GALNT14: variants seen among roughly 807,000 people sequenced by gnomAD.
GALNT14 encodes polypeptide N-acetylgalactosaminyltransferase 14.
A neutral mutation model predicts 77.5 loss-of-function variants in GALNT14; 60 were observed. The observed-to-expected ratio is 0.77, with a 90% confidence interval of 0.63 to 0.96. The LOEUF (loss-of-function observed/expected upper bound fraction) is 0.96, where lower values mean the gene tolerates loss of function less well. Among genes scored for constraint, GALNT14 ranks in the 40% least tolerant of loss-of-function variants. GALNT14 has a pLI of 0.00. For missense variants in GALNT14, 710 were observed against 731.0 expected (o/e 0.97, Z 0.33); for synonymous variants, 280 against 281.7 (o/e 0.99, Z 0.06).
At chr2:30,900,456 G>C in the GALNT14 span, among the ~76,000 whole-genome samples, 1 of 152,008 alleles carries the variant, frequency 6.6e-6, no homozygotes, top group African/African-American at 2.4e-5. Context: ...AAACTTTAAC[G>C]TTTGATAACT....
intron 1 of GALNT14, among the ~76,000 whole-genome samples, chr2:31,063,274 A>T (rs1429053514): frequency 6.6e-6 from 1 of 152,224 alleles, no homozygotes; most frequent in Non-Finnish European, 1.5e-5. Flanking sequence ...TGTTTTCTGC[A>T]TATGGCTAAC....
chr2:31,129,697 T>A lies in GALNT14; in HGVS notation c.129+8261A>T, dbSNP rs1450261793. On this transcript the variant is annotated intron_variant, in intron 1 of 14. Coordinates refer to ENST00000349752, the MANE Select transcript of GALNT14 (RefSeq NM_024572.4). ...GAGAGATGGGCACATAAATATTGAT[T>A]GGACCAGTCTCTATGGCTGGGAGGT... The A allele has an allele frequency of 3.1e-6, 3 of 976,896 alleles. No homozygotes were observed. The East Asian group carries it at 3.4e-4, about 111-fold the overall frequency. 60.5% of individuals were successfully genotyped at this position (976,896 alleles called of 1,614,324 possible). A position where few individuals can be genotyped will look rare whatever the true frequency, so the allele number is the denominator to read the frequency against.
intron 9 of GALNT14, among the ~76,000 whole-genome samples, chr2:30,934,239 T>C (rs1461328683): frequency 5.9e-5 from 9 of 152,156 alleles, no homozygotes; most frequent in African/African-American, 1.7e-4. Context: ...CAGTAGCACA[T>C]AGAGGAACCT....
intron 3 of GALNT14, among the ~76,000 whole-genome samples, chr2:30,959,219 C>G (rs1052966842): frequency 6.6e-6 from 1 of 152,178 alleles, no homozygotes; most frequent in Non-Finnish European, 1.5e-5. Context: ...GCTTCCTCCT[C>G]TGGGATCTCC....
At chr2:31,057,611 T>C (rs1674316693) in intron 1 of GALNT14, among the ~76,000 whole-genome samples, 1 of 151,972 alleles carries the variant, frequency 6.6e-6, no homozygotes, top group South Asian at 2.1e-4. Flanking sequence ...TTACTGTTTT[T>C]ATTCATCCAG....
chr2:31,126,925 G>A (rs972257368), intron 1 of GALNT14: 41 of 152,194 alleles, frequency 2.7e-4, no homozygotes, highest in African/African-American at 9.7e-4. Context: ...CTTTTCCAAA[G>A]ACTTATTTGG....
intron 1 of GALNT14, among the ~76,000 whole-genome samples, chr2:31,103,518 C>T (rs568341221): frequency 2.7e-5 from 4 of 150,714 alleles, no homozygotes; most frequent in Admixed American, 1.3e-4. Flanking sequence ...CATTACATAG[C>T]CCCTAGGCAC....
chr2:30,947,970 C>T (rs1417750506), intron 6 of GALNT14, among the ~76,000 whole-genome samples: 1 of 152,210 alleles, frequency 6.6e-6, no homozygotes, highest in Non-Finnish European at 1.5e-5. Flanking sequence ...CAGCACTGCA[C>T]CTGCCCAGCT....
At chr2:31,035,043 T>C (rs1573209156) in intron 1 of GALNT14, among the ~76,000 whole-genome samples, 1 of 152,358 alleles carries the variant, frequency 6.6e-6, no homozygotes, top group East Asian at 1.9e-4. Context: ...ATGTTCCACG[T>C]ACACTTTAGA....
chr2:30,904,260 C>T, the GALNT14 span, among the ~76,000 whole-genome samples: 499 of 152,322 alleles, frequency 3.3e-3, 2 homozygotes, highest in African/African-American at 0.011. Context: ...GCGTGAGCGA[C>T]GCAGAAGACG....
Position 31,128,358 on chromosome 2 carries a change from A to AC in GALNT14, c.129+9599dup, listed in dbSNP as rs563955925. 3.8e-4 allele frequency among the ~76,000 whole-genome samples: 58 copies of AC among 152,254 alleles called. 1 individual carries two copies. The highest frequency in any genetic ancestry group is 1.4e-3 in the African/African-American group (58 of 41,548). ...CCGGCATTAGAGATGCAGGCAGGGC[A>AC]CCCTCTACATTAAGGTGACGTTGGA... On this transcript the variant is annotated intron_variant, in intron 1 of 14. Coordinates refer to ENST00000349752, the MANE Select transcript of GALNT14 (RefSeq NM_024572.4).
chr2:30,983,300 C>T (rs900247737), intron 2 of GALNT14, among the ~76,000 whole-genome samples: 2 of 151,226 alleles, frequency 1.3e-5, no homozygotes, highest in Admixed American at 1.3e-4. Context: ...TGAGGGCACA[C>T]TTTCAGTCTG....
intron 1 of GALNT14, among the ~76,000 whole-genome samples, chr2:31,029,013 T>G (rs1297513602): frequency 6.6e-6 from 1 of 152,150 alleles, no homozygotes; most frequent in Non-Finnish European, 1.5e-5. Flanking sequence ...TGCTCTTCCC[T>G]ATGCTCAATT....
intron 1 of GALNT14, among the ~76,000 whole-genome samples, chr2:31,059,957 C>T (rs1222979473): frequency 6.6e-6 from 1 of 152,188 alleles, no homozygotes; most frequent in Non-Finnish European, 1.5e-5. Flanking sequence ...TTATATTTCC[C>T]CTACTCTTTC....
At chr2:31,133,317 C>A (rs1177169032) in intron 1 of GALNT14, among the ~76,000 whole-genome samples, 1 of 152,090 alleles carries the variant, frequency 6.6e-6, no homozygotes, top group Non-Finnish European at 1.5e-5. Context: ...TATGCACATA[C>A]CAAGTATGAG....
chr2:31,000,088 T>C (rs73923347), intron 1 of GALNT14, among the ~76,000 whole-genome samples: 31 of 152,294 alleles, frequency 2.0e-4, no homozygotes, highest in African/African-American at 6.7e-4. Context: ...TATTTGTCCC[T>C]AGGTAGTAAG....
chr2:30,910,976 C>T lies in GALNT14; in HGVS notation c.1584G>A (p.Glu528=). 1 of 1,614,084 alleles carries T rather than the reference C, an allele frequency of 6.2e-7. No homozygotes were observed. Among genetic ancestry groups the T allele is most frequent in the Non-Finnish European group, 8.5e-7 (1 of 1,180,018 alleles). ...GGTTGACGACGATTTCCTTGCCGTT[C>T]TCGGTGCCATCACCGAACATATCTG... is the stretch of plus-strand genomic sequence containing the variant. The part of the protein sequence containing the change: ...LDTDMFGDGT[E]NGKEIVVNPC... The change falls in exon 15 of 15, where the codon GAG becomes GAA. Residue 528 remains glutamate (E), a synonymous_variant. Transcript: ENST00000349752.
At chr2:31,107,845 G>C (rs957499914) in intron 1 of GALNT14, among the ~76,000 whole-genome samples, 3 of 152,072 alleles carry the variant, frequency 2.0e-5, no homozygotes, top group South Asian at 2.1e-4. Context: ...ATTTCACCTC[G>C]GTCCTGTTTC....
intron 1 of GALNT14, among the ~76,000 whole-genome samples, chr2:31,080,753 C>G (rs1207165341): frequency 6.6e-6 from 1 of 152,114 alleles, no homozygotes; most frequent in Non-Finnish European, 1.5e-5. Flanking sequence ...TCACTGGGTT[C>G]TATTAAACCC....
Sources: allele counts gnomAD v4.1 joint callset (sites outside exome capture counted in the v4.1 genomes callset), GRCh38; gene constraint gnomAD v4.1.1; transcripts MANE v1.5; gene names NCBI Gene and HGNC (gene_info 2026-07-23, HGNC 2026-07-21).